Variants in MEGF6 observed in about 807,000 individuals in gnomAD.
MEGF6 encodes the protein multiple EGF like domains 6, also known as multiple epidermal growth factor-like domains protein 6.
Under a neutral mutation model 207.1 loss-of-function variants are expected in MEGF6, and 184 were observed. The ratio of observed to expected loss-of-function variants is 0.89; its 90% CI spans 0.79 to 1.00. The LOEUF (loss-of-function observed/expected upper bound fraction) is 1.00. Among genes scored for constraint, MEGF6 ranks in the 50% least tolerant of loss-of-function variants. The pLI is 0.00. For synonymous variants in MEGF6, 1,038 were observed against 910.0 expected (o/e 1.14, Z -2.53); for missense variants, 2,282 against 2,202.9 (o/e 1.04, Z -0.72).
intron 7 of MEGF6, among the ~76,000 whole-genome samples, chr1:3,513,320 T>G (rs1284333654): frequency 6.6e-6 from 1 of 152,096 alleles, no homozygotes; most frequent in Non-Finnish European, 1.5e-5. Context: ...CAAGTGATTC[T>G]CCTGCCTCAG....
At chr1:3,616,398 C>T (rs1005612449), upstream of MEGF6, among the ~76,000 whole-genome samples, 8 of 152,204 alleles carry the variant, frequency 5.3e-5, no homozygotes, top group Admixed American at 1.3e-4. Flanking sequence ...GCAGTCCTCA[C>T]GTCAACACCA....
At position 3,579,881 on chromosome 1, in the gene MEGF6, C is replaced by G. The variant is rs1643750705; in HGVS notation, c.425G>C (p.Gly142Ala). Residue 142 changes from glycine (G) to alanine (A), a missense_variant, in exon 4 of 37, where the codon GGC (glycine) becomes GCC (alanine). Physicochemically the swap from Gly to Ala is moderately conservative, Grantham distance 60. Coordinates refer to ENST00000356575, the MANE Select transcript of MEGF6 (RefSeq NM_001409.4). Reference protein sequence around the residue: ...LCFHGGRCVPGSAQPCHCPPG... With the variant: ...LCFHGGRCVPASAQPCHCPPG... ...GGGACAGTGACACGGCTGGGCTGAG[C>G]CTGGCACACAACGGCCACCGTGAAA... is the stretch of plus-strand genomic sequence containing the variant. 6.5e-7 allele frequency: 1 copy of G among 1,539,906 alleles called. No homozygotes were observed. Among genetic ancestry groups the G allele is most frequent in the Admixed American group, 2.2e-5 (1 of 45,010 alleles).
intron 1 of MEGF6, among the ~76,000 whole-genome samples, chr1:3,603,697 C>G (rs2101887192): frequency 6.6e-6 from 1 of 152,256 alleles, no homozygotes; most frequent in South Asian, 2.1e-4. Context: ...GAGGTCCCCA[C>G]CCCACCGGGA....
chr1:3,585,062 C>T (rs1478741022), intron 3 of MEGF6, among the ~76,000 whole-genome samples: 1 of 147,240 alleles, frequency 6.8e-6, no homozygotes, highest in Non-Finnish European at 1.5e-5. Context: ...GTGAGTGACA[C>T]GTGTCCTATG....
chr1:3,527,722 G>T (rs1443833390), intron 4 of MEGF6, among the ~76,000 whole-genome samples: 2 of 152,214 alleles, frequency 1.3e-5, no homozygotes, highest in African/African-American at 4.8e-5. Flanking sequence ...CAGTGTGGGT[G>T]GCACCCACCT....
chr1:3,504,605 C>T (rs996630004), intron 17 of MEGF6, among the ~76,000 whole-genome samples: 5 of 152,180 alleles, frequency 3.3e-5, no homozygotes, highest in Non-Finnish European at 5.9e-5. Context: ...AGTTGGTCCC[C>T]GGGTCTCCCA....
intron 3 of MEGF6, among the ~76,000 whole-genome samples, chr1:3,583,262 G>C (rs1643843593): frequency 6.6e-6 from 1 of 151,836 alleles, no homozygotes; most frequent in Non-Finnish European, 1.5e-5. Flanking sequence ...AGCATGTGCT[G>C]ACAACCCACA....
the MEGF6 span, chr1:3,623,191 C>T: frequency 1.3e-5 from 2 of 150,494 alleles, no homozygotes; most frequent in Non-Finnish European, 3.0e-5. Flanking sequence ...CTCCCTTCTC[C>T]TCCCTCTTTC....
rs1184647139 is a variant in MEGF6 at position 3,496,772 on chromosome 1, C to CG, written c.3624dup (p.Gly1209ArgfsTer8). On this transcript the variant is annotated frameshift_variant, in exon 29 of 37. Transcript: ENST00000356575. LOFTEE classifies it high-confidence loss of function. The stretch of plus-strand genomic sequence containing the variant: ...TGTTCACAGCCTGGCCCATACCGCC[C>CG]GGGCGGACATCCTGCAGGGAGAGGG... 1.3e-6 allele frequency: 2 copies of CG among 1,557,436 alleles called. No homozygotes were observed. The highest frequency in any genetic ancestry group is 1.4e-5 in the African/African-American group (1 of 73,470).
intron 4 of MEGF6, among the ~76,000 whole-genome samples, chr1:3,540,731 A>G (rs947347): frequency 0.097 from 14,756 of 152,278 alleles, 815 homozygotes; most frequent in Admixed American, 0.14. Context: ...CAGGGCAGAA[A>G]GGGAACCACT....
At chr1:3,504,938 T>C (rs1204614879) in intron 17 of MEGF6, among the ~76,000 whole-genome samples, 1 of 152,108 alleles carries the variant, frequency 6.6e-6, no homozygotes, top group Non-Finnish European at 1.5e-5. Flanking sequence ...GGAGAGAAAC[T>C]GGCCCCTCCC....
Position 3,611,311 on chromosome 1 carries a change from C to G in MEGF6, c.-43G>C. The G allele has an allele frequency of 7.1e-7, 1 of 1,408,400 alleles. No homozygotes were observed. The highest frequency in any genetic ancestry group is 9.2e-7 in the Non-Finnish European group (1 of 1,087,854). 87.2% of individuals were successfully genotyped at this position (1,408,400 alleles called of 1,614,324 possible). ...CCTCCGCTCTCCGGCTCACAGGCGG[C>G]CCCGGCGGCTCCCCGGAGCCTCCGC... On this transcript the variant is annotated 5_prime_UTR_variant, in exon 1 of 37. Transcript: ENST00000356575.
chr1:3,509,157 C>A lies in MEGF6; in HGVS notation c.1446G>T (p.Pro482=), dbSNP rs369394060. 3.2e-6 allele frequency: 5 copies of A among 1,584,984 alleles called. No individual in the cohort carries two copies. Among genetic ancestry groups the A allele is most frequent in the African/African-American group, 1.4e-5 (1 of 73,974 alleles). Residue 482 remains proline (P), a synonymous_variant, in exon 12 of 37, where the codon CCG becomes CCT. Transcript: ENST00000356575. ...CGACGTCGTCATCCTGGAAGAGTTG[C>A]GGCAGCTCGTCCTGGAGCACGGCAA... is the stretch of plus-strand genomic sequence containing the variant. The part of the protein sequence containing the change: ...PHIAVLQDEL[P]QLFQDDDVGA...
intron 3 of MEGF6, among the ~76,000 whole-genome samples, chr1:3,585,475 T>C (rs1327085099): frequency 7.0e-6 from 1 of 142,202 alleles, no homozygotes; most frequent in East Asian, 2.2e-4. Flanking sequence ...GTGACACATG[T>C]CCTGTGTGTG....
intron 7 of MEGF6, among the ~76,000 whole-genome samples, chr1:3,514,225 G>T (rs1278395168): frequency 1.3e-5 from 2 of 151,268 alleles, no homozygotes; most frequent in Non-Finnish European, 2.9e-5. Context: ...TCCAGCCTGG[G>T]CAATAGAGCG....
chr1:3,580,296 G>A (rs983226269), intron 3 of MEGF6, among the ~76,000 whole-genome samples: 2 of 151,786 alleles, frequency 1.3e-5, no homozygotes, highest in Admixed American at 6.5e-5. Flanking sequence ...GCTGCCCAGT[G>A]GTCAGCGCTG....
chr1:3,538,745 T>TGA (rs57713922), intron 4 of MEGF6, among the ~76,000 whole-genome samples: 3,534 of 126,452 alleles, frequency 0.028, 84 homozygotes, highest in Non-Finnish European at 0.04. Flanking sequence ...TGTGTGTGTG[T>TGA]CCGCGCTGTC....
intron 8 of MEGF6, 129 bp from the exon 9 acceptor site, chr1:3,511,816 G>A: frequency 6.9e-7 from 1 of 1,459,208 alleles, no homozygotes; most frequent in African/African-American, 1.4e-5. Flanking sequence ...CAGCAACATG[G>A]AGCTCCCAGG....
Position 3,500,983 on chromosome 1 carries a change from C to A in MEGF6, c.2558G>T (p.Gly853Val). Residue 853 changes from glycine to valine, a missense_variant, in exon 20 of 37, where the codon GGC becomes GTC. Transcript: ENST00000356575. ...GHCSCAPGWT[G>V]FSCQRACDTG... ...CCCCGTACCTCTCTGGCAGCTAAAGCCGGTCCACCCGGGGGCACAGCTGCA... is the reference window on the plus strand; with the variant it reads ...CCCCGTACCTCTCTGGCAGCTAAAGACGGTCCACCCGGGGGCACAGCTGCA... 6.2e-7 allele frequency: 1 copy of A among 1,611,978 alleles called. No homozygotes were observed. The highest frequency in any genetic ancestry group is 8.5e-7 in the Non-Finnish European group (1 of 1,179,954).
Sources: gnomAD v4.1 joint callset for allele counts (sites outside exome capture counted in the v4.1 genomes callset) on GRCh38, gnomAD v4.1.1 for gene constraint, MANE v1.5 for transcripts, NCBI Gene and HGNC (gene_info 2026-07-23, HGNC 2026-07-21) for gene names.